Variants in FGF2 observed in about 807,000 individuals in gnomAD.
FGF2 encodes fibroblast growth factor 2, also known as basic fibroblast growth factor bFGF.
A neutral mutation model predicts 15.9 loss-of-function variants in FGF2; 13 were observed. The ratio of observed to expected loss-of-function variants is 0.82; its 90% CI spans 0.53 to 1.30. The LOEUF (loss-of-function observed/expected upper bound fraction) is 1.30, where lower values mean the gene tolerates loss of function less well. Ranked by LOEUF, FGF2 falls within the 50% of genes most tolerant of loss-of-function variation. The probability of loss-of-function intolerance (pLI) is 0.00; values close to 1 mark genes in which losing one functional copy is unlikely to be tolerated. For missense variants in FGF2, 163 were observed against 196.9 expected (o/e 0.83, Z 1.03); for synonymous variants, 90 against 78.4 (o/e 1.15, Z -0.78).
In FGF2 at chr4:122,892,198, CTTTA is replaced by C; in HGVS notation, c.283-9_283-6del. On this transcript the variant is annotated splice_polypyrimidine_tract_variant and intron_variant, in intron 2 of 2. Coordinates refer to ENST00000644866, the MANE Select transcript of FGF2 (RefSeq NM_001361665.2). ...TGATAATAATAACAGGTAATTCTTC[CTTTA>C]TTTTTCAGAAATGTGTTACGGATGA... 1.3e-6 allele frequency: 2 copies of C among 1,590,556 alleles called. No individual in the cohort carries two copies. Among genetic ancestry groups the C allele is most frequent in the Non-Finnish European group, 1.7e-6 (2 of 1,158,810 alleles).
At chr4:122,871,409 G>A (rs1242362350) in intron 1 of FGF2, among the ~76,000 whole-genome samples, 2 of 151,988 alleles carry the variant, frequency 1.3e-5, no homozygotes, top group Admixed American at 6.6e-5. Context: ...AATACTGACA[G>A]TGGGGTGTTA....
At chr4:122,866,531 TA>T (rs781536898) in intron 1 of FGF2, among the ~76,000 whole-genome samples, 9 of 152,190 alleles carry the variant, frequency 5.9e-5, no homozygotes, top group Non-Finnish European at 1.2e-4. Context: ...AAGATCTAAG[TA>T]GACAGTTCTT....
chr4:122,856,392 G>C (rs1198799744), intron 1 of FGF2, among the ~76,000 whole-genome samples: 1 of 152,154 alleles, frequency 6.6e-6, no homozygotes, highest in Non-Finnish European at 1.5e-5. Context: ...TCTAAATACA[G>C]TGGAGGCTAT....
chr4:122,853,432 T>G (rs1333397174), intron 1 of FGF2, among the ~76,000 whole-genome samples: 3 of 152,238 alleles, frequency 2.0e-5, no homozygotes, highest in Non-Finnish European at 4.4e-5. Context: ...ATAAATATCT[T>G]AACACACAGA....
intron 1 of FGF2, among the ~76,000 whole-genome samples, chr4:122,834,545 A>G (rs528596682): frequency 1.3e-5 from 2 of 152,184 alleles, no homozygotes; most frequent in Non-Finnish European, 2.9e-5. Context: ...GACATGTGGC[A>G]GTATTGTCTG....
rs756611528 is a variant in FGF2 at position 122,893,077 on chromosome 4, G to T, written c.*681G>T. On this transcript the variant is annotated 3_prime_UTR_variant, in exon 3 of 3. Coordinates refer to ENST00000644866, the MANE Select transcript of FGF2 (RefSeq NM_001361665.2). Reference sequence around the variant, plus strand: ...ATTCTTCCTGGCAAAAATTTATGGTGAATGAATATGGCTTTAGGCGGCAGA... The same window carrying T: ...ATTCTTCCTGGCAAAAATTTATGGTTAATGAATATGGCTTTAGGCGGCAGA... The T allele has an allele frequency of 8.1e-6, 13 of 1,614,104 alleles. No homozygotes were observed. The highest frequency in any genetic ancestry group is 1.1e-5 in the Non-Finnish European group (13 of 1,180,028).
chr4:122,884,595 T>A (rs1329554503), intron 2 of FGF2: 1 of 152,262 alleles, frequency 6.6e-6, no homozygotes, highest in Non-Finnish European at 1.5e-5. Flanking sequence ...TTACATCATG[T>A]CTGTTTTTAA....
intron 1 of FGF2, among the ~76,000 whole-genome samples, chr4:122,873,366 C>A (rs1211379561): frequency 2.6e-5 from 4 of 152,236 alleles, no homozygotes; most frequent in Non-Finnish European, 5.9e-5. Flanking sequence ...ATCTCTTAGC[C>A]CTTCTGTTCT....
rs1399349695 is a variant in FGF2 at position 122,827,682 on chromosome 4, C to G, written c.178+330C>G. ...TGTCGCGTCGGGGATGCCCGCGGCC[C>G]CGCCATGCAGCTCTGGCCGCTTCTA... On this transcript the variant is annotated intron_variant, in intron 1 of 2. Coordinates refer to ENST00000644866, the MANE Select transcript of FGF2 (RefSeq NM_001361665.2). The surrounding 1 kb of genome is among the most constrained non-coding windows in gnomAD (Gnocchi z 4.2). Among the ~76,000 whole-genome samples the G allele has an allele frequency of 6.6e-6, 1 of 152,184 alleles. No homozygotes were observed. The highest frequency in any genetic ancestry group is 2.4e-5 in the African/African-American group (1 of 41,448).
intron 1 of FGF2, among the ~76,000 whole-genome samples, chr4:122,839,542 G>A (rs901782932): frequency 6.6e-5 from 10 of 152,188 alleles, no homozygotes; most frequent in African/African-American, 2.2e-4. Context: ...CCGGAAAAGT[G>A]TCTAAAAATT....
Position 122,844,569 on chromosome 4 carries a change from CTT to C in FGF2, c.178+17221_178+17222del, listed in dbSNP as rs768139965. Among the ~76,000 whole-genome samples, 1,005 of 128,674 alleles carry C rather than the reference CTT, an allele frequency of 7.8e-3. 5 individuals carry two copies. The highest frequency in any genetic ancestry group is 9.3e-3 in the Non-Finnish European group (589 of 63,142). 84.4% of individuals were successfully genotyped at this position (128,674 alleles called of 152,430 possible). A position where few individuals can be genotyped will look rare whatever the true frequency, so the allele number is the denominator to read the frequency against. On this transcript the variant is annotated intron_variant, in intron 1 of 2. Coordinates refer to ENST00000644866, the MANE Select transcript of FGF2 (RefSeq NM_001361665.2). ...TCTTTCTTTCTCTTTTTCTTTCTTT[CTT>C]TTTCTTTCTTTCTTTCTTCCTTCCT...
chr4:122,846,735 G>A (rs1300461812), intron 1 of FGF2, among the ~76,000 whole-genome samples: 2 of 152,172 alleles, frequency 1.3e-5, no homozygotes, highest in African/African-American at 2.4e-5. Flanking sequence ...TTAAAAGAAT[G>A]TATCCATGTA....
rs751761700 is a variant in FGF2 at position 122,826,874 on chromosome 4, G to A, written c.-301G>A. ...GTGCCCGCGGTTGCAACGGGATCCC[G>A]GGCGCTGCAGCTTGGGAGGCGGCTC... On this transcript the variant is annotated 5_prime_UTR_variant, in exon 1 of 3. Coordinates refer to ENST00000644866, the MANE Select transcript of FGF2 (RefSeq NM_001361665.2). The A allele has an allele frequency of 2.6e-6, 4 of 1,524,068 alleles. No homozygotes were observed. The highest frequency in any genetic ancestry group is 2.0e-5 in the Admixed American group (1 of 51,018). The allele number at this position is 1,524,068 out of a possible 1,614,324, so 94.4% of individuals were successfully genotyped here.
chr4:122,874,011 T>C (rs867032683), intron 1 of FGF2, among the ~76,000 whole-genome samples: 5 of 152,234 alleles, frequency 3.3e-5, no homozygotes, highest in African/African-American at 1.2e-4. Flanking sequence ...ATATCCCTAA[T>C]CACCCTCATG....
chr4:122,861,390 C>T lies in FGF2; in HGVS notation c.179-14931C>T, dbSNP rs56111307. Among the ~76,000 whole-genome samples, 1,401 of 152,302 alleles carry T rather than the reference C, an allele frequency of 9.2e-3. 9 individuals carry two copies. Among genetic ancestry groups the T allele is most frequent in the Non-Finnish European group, 0.014 (965 of 68,014 alleles). The stretch of plus-strand genomic sequence containing the variant: ...ATATATCATTGTCTTCTCTTGCCAA[C>T]TTTCCCCTCCTGCTGCTCCAACCAC... On this transcript the variant is annotated intron_variant, in intron 1 of 2. Transcript: ENST00000644866.
intron 2 of FGF2, among the ~76,000 whole-genome samples, chr4:122,881,647 C>T (rs1226606758): frequency 2.0e-5 from 3 of 152,170 alleles, no homozygotes; most frequent in East Asian, 3.9e-4. Context: ...TCATTATCAG[C>T]ATTTTGGTCA....
At chr4:122,836,455 T>C (rs995158205) in intron 1 of FGF2, among the ~76,000 whole-genome samples, 2 of 152,224 alleles carry the variant, frequency 1.3e-5, no homozygotes, top group African/African-American at 2.4e-5. Context: ...CTTTTCTGTG[T>C]GCTATCTAAA....
chr4:122,842,764 C>G (rs776899549), intron 1 of FGF2, among the ~76,000 whole-genome samples: 1 of 152,092 alleles, frequency 6.6e-6, no homozygotes, highest in Non-Finnish European at 1.5e-5. Context: ...TACTAGAAAG[C>G]CAAATATATG....
At chr4:122,867,917 G>T (rs1048743788) in intron 1 of FGF2, among the ~76,000 whole-genome samples, 24 of 152,154 alleles carry the variant, frequency 1.6e-4, no homozygotes, top group Non-Finnish European at 4.4e-5. Context: ...TATATTGTCA[G>T]ATATTAATAT....
Sources: gnomAD v4.1 joint callset for allele counts (sites outside exome capture counted in the v4.1 genomes callset) on GRCh38, gnomAD v4.1.1 for gene constraint, Gnocchi (gnomAD v3.1) non-coding constraint, MANE v1.5 for transcripts, NCBI Gene and HGNC (gene_info 2026-07-23, HGNC 2026-07-21) for gene names.